The following SUCLG1 variants were observed in gnomAD, a reference collection of about 807,000 sequenced individuals.
The protein encoded by SUCLG1 is succinate-CoA ligase GDP/ADP-forming subunit alpha, also known as succinate--CoA ligase [ADP/GDP-forming] subunit alpha, mitochondrial.
A neutral mutation model predicts 37.3 loss-of-function variants in SUCLG1; 26 were observed. The ratio of observed to expected loss-of-function variants is 0.70; its 90% CI spans 0.51 to 0.97. The LOEUF is 0.97. SUCLG1 is among the 50% of genes least tolerant of loss of function. SUCLG1 has a pLI of 0.00. For missense variants in SUCLG1, 433 were observed against 432.9 expected (o/e 1.00, Z 0.00); for synonymous variants, 163 against 155.6 (o/e 1.05, Z -0.36).
chr2:84,433,265 G>T, intron 6 of SUCLG1, 87 bp downstream of exon 6: 1 of 1,137,878 alleles, frequency 8.8e-7, no homozygotes, highest in Non-Finnish European at 1.3e-6. Flanking sequence ...AAAATCTTTT[G>T]CAAATAATAA....
intron 1 of SUCLG1, among the ~76,000 whole-genome samples, chr2:84,453,816 C>T (rs1672979773): frequency 6.6e-6 from 1 of 152,226 alleles, no homozygotes; most frequent in African/African-American, 2.4e-5. Context: ...ACATCCTAGG[C>T]CACCTCCTTC....
chr2:84,429,371 T>A (rs900051286), intron 7 of SUCLG1, among the ~76,000 whole-genome samples: 11 of 152,152 alleles, frequency 7.2e-5, no homozygotes, highest in Admixed American at 2.0e-4. Flanking sequence ...CTTTTTTTTT[T>A]AAAGAAGTCA....
At chr2:84,440,998 T>TA in intron 5 of SUCLG1, 49 bp downstream of exon 5, 1 of 1,582,608 alleles carries the variant, frequency 6.3e-7, no homozygotes, top group Non-Finnish European at 8.7e-7. Flanking sequence ...TTTTGAGGGT[T>TA]TAAGGCAAAT....
intron 5 of SUCLG1, among the ~76,000 whole-genome samples, chr2:84,437,353 G>A (rs1672703860): frequency 6.6e-6 from 1 of 152,122 alleles, no homozygotes; most frequent in African/African-American, 2.4e-5. Context: ...AATCCAATTA[G>A]AACATGGGCA....
At chr2:84,456,942 A>C (rs1244892087) in intron 1 of SUCLG1, among the ~76,000 whole-genome samples, 1 of 152,114 alleles carries the variant, frequency 6.6e-6, no homozygotes, top group Non-Finnish European at 1.5e-5. Context: ...GATTACAGGC[A>C]TGAGCCACCG....
At chr2:84,449,848 T>A (rs1208051521) in intron 1 of SUCLG1, 96 bp from the exon 2 acceptor site, 3 of 947,750 alleles carry the variant, frequency 3.2e-6, no homozygotes, top group Non-Finnish European at 4.8e-6. Flanking sequence ...AAAAAAAAAA[T>A]TCTTTAATGC....
At chr2:84,426,651 G>C (rs147063598) in intron 7 of SUCLG1, 9 of 121,596 alleles carry the variant, frequency 7.4e-5, no homozygotes, top group African/African-American at 2.9e-4. Context: ...TGGCGACAGA[G>C]CAAGACTCTG....
At chr2:84,456,706 C>T (rs1460883154) in intron 1 of SUCLG1, among the ~76,000 whole-genome samples, 1 of 152,092 alleles carries the variant, frequency 6.6e-6, no homozygotes, top group East Asian at 1.9e-4. Flanking sequence ...CTCTGTTGCC[C>T]AGGCTGGAGT....
chr2:84,433,531 A>G (rs1389602166), intron 5 of SUCLG1, 96 bp from the exon 6 acceptor site: 2 of 981,260 alleles, frequency 2.0e-6, no homozygotes, highest in East Asian at 2.5e-5. Flanking sequence ...TGACTAACAT[A>G]GGTATAAAAT....
In SUCLG1 at chr2:84,448,378, G is replaced by A. The variant is rs540840892; in HGVS notation, c.201+1271C>T. On this transcript the variant is annotated intron_variant, in intron 2 of 8. Coordinates refer to ENST00000393868, the MANE Select transcript of SUCLG1 (RefSeq NM_003849.4). Reference sequence around the variant, plus strand: ...CTTTTGAGTAGTTGTAACACAGACTGTATGACCCACTAAACCTAATATGTT... The same window carrying A: ...CTTTTGAGTAGTTGTAACACAGACTATATGACCCACTAAACCTAATATGTT... 2.1e-3 allele frequency among the ~76,000 whole-genome samples: 317 copies of A among 152,058 alleles called. 2 individuals carry two copies. The highest frequency in any genetic ancestry group is 7.3e-3 in the African/African-American group (303 of 41,496).
rs1476557342 is a variant in SUCLG1 at position 84,459,191 on chromosome 2, G to A, written c.79C>T (p.Leu27=). ...GSSGLAAARL[L]SRSFLLPQNG... ...GACTCACGGAGGAAGCTGCGCGACA[G>A]GAGACGGGCGGCGGCGAGGCCGCTG... The change falls in exon 1 of 9, where the codon CTG becomes TTG. Residue 27 remains leucine (L), a synonymous_variant. Transcript: ENST00000393868. The A allele has an allele frequency of 1.3e-6, 2 of 1,549,990 alleles. No individual in the cohort carries two copies. The highest frequency in any genetic ancestry group is 1.7e-6 in the Non-Finnish European group (2 of 1,146,634).
intron 2 of SUCLG1, among the ~76,000 whole-genome samples, chr2:84,444,312 A>C (rs1328149225): frequency 1.3e-5 from 2 of 152,218 alleles, no homozygotes; most frequent in African/African-American, 4.8e-5. Context: ...AAAGGGACAG[A>C]GTACAAAAGA....
At chr2:84,426,739 C>T (rs1331721364) in intron 7 of SUCLG1, 2 of 151,862 alleles carry the variant, frequency 1.3e-5, no homozygotes, top group East Asian at 3.9e-4. Flanking sequence ...ATATCATGTT[C>T]ATAACAGAAG....
chr2:84,434,026 C>G (rs1672647558), intron 5 of SUCLG1, among the ~76,000 whole-genome samples: 1 of 152,154 alleles, frequency 6.6e-6, no homozygotes, highest in South Asian at 2.1e-4. Context: ...CATTCCCTCT[C>G]TCACCATGTG....
chr2:84,456,719 A>G (rs1189807525), intron 1 of SUCLG1, among the ~76,000 whole-genome samples: 2 of 152,076 alleles, frequency 1.3e-5, no homozygotes, highest in Non-Finnish European at 2.9e-5. Flanking sequence ...GCTGGAGTAC[A>G]GTGGCACGAT....
chr2:84,454,035 G>T (rs778988049), intron 1 of SUCLG1, among the ~76,000 whole-genome samples: 7 of 152,162 alleles, frequency 4.6e-5, no homozygotes, highest in Non-Finnish European at 1.0e-4. Context: ...GGGAGGCTGT[G>T]ATATTAATAT....
chr2:84,447,845 T>A (rs1185225615), intron 2 of SUCLG1, among the ~76,000 whole-genome samples: 2 of 152,124 alleles, frequency 1.3e-5, no homozygotes, highest in Non-Finnish European at 2.9e-5. Flanking sequence ...TCCTTCCACC[T>A]CAGCCTCCTG....
intron 5 of SUCLG1, among the ~76,000 whole-genome samples, chr2:84,438,410 TTTC>T (rs1672720405): frequency 6.6e-6 from 1 of 152,230 alleles, no homozygotes; most frequent in South Asian, 2.1e-4. Flanking sequence ...ATCCAATCAC[TTTC>T]TTCGATAACA....
chr2:84,447,337 A>G (rs1227006256), intron 2 of SUCLG1, among the ~76,000 whole-genome samples: 1 of 152,240 alleles, frequency 6.6e-6, no homozygotes, highest in East Asian at 1.9e-4. Flanking sequence ...ATGAGAAACA[A>G]TGTTAACTGC....
Sources: gnomAD v4.1 joint callset for allele counts (sites outside exome capture counted in the v4.1 genomes callset) on GRCh38, gnomAD v4.1.1 for gene constraint, MANE v1.5 for transcripts, NCBI Gene and HGNC (gene_info 2026-07-23, HGNC 2026-07-21) for gene names.